The following GRM7 variants were observed in gnomAD, a reference collection of about 807,000 sequenced individuals.
GRM7 encodes glutamate metabotropic receptor 7, also known as metabotropic glutamate receptor 7.
GRM7 carries 35 observed loss-of-function variants against 84.5 expected under a neutral mutation model. That is an observed-to-expected ratio of 0.41 (90% confidence interval 0.32 to 0.55). The LOEUF (loss-of-function observed/expected upper bound fraction) is 0.55. GRM7 is among the 20% of genes least tolerant of loss of function. The probability of loss-of-function intolerance (pLI) is 0.19; values close to 1 mark genes in which losing one functional copy is unlikely to be tolerated. For missense variants in GRM7, 1,003 were observed against 1,194.6 expected (o/e 0.84, Z 2.36); for synonymous variants, 487 against 455.1 (o/e 1.07, Z -0.89).
At chr3:7,193,140 A>T (rs936423418) in intron 2 of GRM7, among the ~76,000 whole-genome samples, 2 of 152,132 alleles carry the variant, frequency 1.3e-5, no homozygotes, top group African/African-American at 4.8e-5. Flanking sequence ...TTAGGGTCAT[A>T]GGCCTCAAAT....
intron 1 of GRM7, among the ~76,000 whole-genome samples, chr3:7,064,087 ATTT>A (rs1697532186): frequency 6.6e-6 from 1 of 151,188 alleles, no homozygotes; most frequent in African/African-American, 2.4e-5. Context: ...ATTTTATTTT[ATTT>A]TATGTATTCT....
At chr3:7,488,838 A>C (rs56103862) in intron 7 of GRM7, among the ~76,000 whole-genome samples, 1,594 of 150,496 alleles carry the variant, frequency 0.011, 30 homozygotes, top group African/African-American at 0.037. Flanking sequence ...ACATTCTGGA[A>C]ACCACTGATC....
At chr3:7,635,684 A>AT (rs929740653) in intron 8 of GRM7, among the ~76,000 whole-genome samples, 1 of 151,982 alleles carries the variant, frequency 6.6e-6, no homozygotes, top group African/African-American at 2.4e-5. Context: ...TTATAATTTT[A>AT]TTTTTTAGGG....
At chr3:7,540,872 T>C (rs1334821854) in intron 7 of GRM7, among the ~76,000 whole-genome samples, 4 of 152,026 alleles carry the variant, frequency 2.6e-5, no homozygotes, top group Non-Finnish European at 2.9e-5. Flanking sequence ...TACACAGCAG[T>C]AAAAAGGAAA....
At chr3:7,222,588 G>C (rs1381505407) in intron 2 of GRM7, among the ~76,000 whole-genome samples, 1 of 152,134 alleles carries the variant, frequency 6.6e-6, no homozygotes, top group Non-Finnish European at 1.5e-5. Context: ...CTTGATTTCA[G>C]CCTTGTGCAA....
At chr3:7,283,811 C>T (rs1482775710) in intron 2 of GRM7, among the ~76,000 whole-genome samples, 1 of 152,148 alleles carries the variant, frequency 6.6e-6, no homozygotes, top group Admixed American at 6.5e-5. Context: ...TATTGACATA[C>T]ATAAAACACT....
chr3:7,135,660 A>G (rs574899591), intron 1 of GRM7, among the ~76,000 whole-genome samples: 1 of 152,260 alleles, frequency 6.6e-6, no homozygotes, highest in South Asian at 2.1e-4. Context: ...ACAAAGCAGA[A>G]TACAATAAAG....
At chr3:6,894,362 G>A (rs1002106991) in intron 1 of GRM7, among the ~76,000 whole-genome samples, 3 of 152,042 alleles carry the variant, frequency 2.0e-5, no homozygotes, top group African/African-American at 7.2e-5. Context: ...ATTATCAAAT[G>A]TACTGCAATA....
intron 7 of GRM7, among the ~76,000 whole-genome samples, chr3:7,551,540 A>C (rs779704): frequency 0.53 from 80,772 of 151,324 alleles, 21,858 homozygotes; most frequent in Non-Finnish European, 0.56. Context: ...AAAATCCCAG[A>C]TCCTTTACAA....
chr3:7,563,567 C>T (rs1048455617), intron 7 of GRM7, among the ~76,000 whole-genome samples: 12 of 151,764 alleles, frequency 7.9e-5, no homozygotes, highest in Non-Finnish European at 1.2e-4. Context: ...AAGATAATGG[C>T]GGAAGAATTA....
At chr3:6,864,556 T>C (rs1694878003) in intron 1 of GRM7, among the ~76,000 whole-genome samples, 1 of 152,188 alleles carries the variant, frequency 6.6e-6, no homozygotes, top group Admixed American at 6.5e-5. Context: ...TCAATTAAGA[T>C]TGTCCTACAT....
intron 2 of GRM7, among the ~76,000 whole-genome samples, chr3:7,162,990 C>A (rs185565718): frequency 6.6e-6 from 1 of 151,896 alleles, no homozygotes; most frequent in East Asian, 1.9e-4. Context: ...GAACTCCTGA[C>A]CTCTGGTGGT....
chr3:6,902,554 G>T (rs147972117), intron 1 of GRM7, among the ~76,000 whole-genome samples: 2,360 of 152,098 alleles, frequency 0.016, 60 homozygotes, highest in African/African-American at 0.054. Flanking sequence ...GAATAAACTT[G>T]TTCTATTATC....
intron 2 of GRM7, among the ~76,000 whole-genome samples, chr3:7,261,902 C>CCCTCCCTCCCTTCCTCCCTTCCT (rs1553639165): frequency 2.4e-5 from 2 of 82,852 alleles, no homozygotes; most frequent in Admixed American, 1.4e-4. Flanking sequence ...CCCTCCCTCC[C>CCCTCCCTCCCTTCCTCCCTTCCT]TCCCTCCCTC....
chr3:7,410,244 A>C (rs963677120), intron 4 of GRM7, among the ~76,000 whole-genome samples: 3 of 152,180 alleles, frequency 2.0e-5, no homozygotes, highest in Non-Finnish European at 4.4e-5. Context: ...CTGGACTTTC[A>C]AGTAAAATCT....
At chr3:7,485,322 A>G (rs762066428) in intron 7 of GRM7, among the ~76,000 whole-genome samples, 13 of 152,210 alleles carry the variant, frequency 8.5e-5, no homozygotes, top group Non-Finnish European at 1.5e-4. Flanking sequence ...ACTCAGGAGA[A>G]TTAGAGCTTA....
intron 9 of GRM7, chr3:7,694,559 C>T (rs162777): frequency 0.44 from 73,811 of 168,496 alleles, 17,469 homozygotes; most frequent in East Asian, 0.8. Flanking sequence ...CTATTTAGTA[C>T]TGATCATTTT....
chr3:7,673,057 C>A (rs1313413093), intron 8 of GRM7, among the ~76,000 whole-genome samples: 1 of 151,992 alleles, frequency 6.6e-6, no homozygotes, highest in African/African-American at 2.4e-5. Flanking sequence ...CATGTTATAG[C>A]CAATAAATAA....
At chr3:7,200,446 C>T (rs576491040) in intron 2 of GRM7, among the ~76,000 whole-genome samples, 157 of 152,314 alleles carry the variant, frequency 1.0e-3, no homozygotes, top group African/African-American at 3.6e-3. Context: ...ATAATGTGGG[C>T]ATCTTGATAA....
Sources: gnomAD v4.1 joint callset for allele counts (sites outside exome capture counted in the v4.1 genomes callset) on GRCh38, gnomAD v4.1.1 for gene constraint, MANE v1.5 for transcripts, NCBI Gene and HGNC (gene_info 2026-07-23, HGNC 2026-07-21) for gene names.